The following PROB1 variants were observed in gnomAD, a reference collection of about 807,000 sequenced individuals.
PROB1 encodes the protein proline rich basic protein 1, also known as proline-rich basic protein 1.
For synonymous variants in PROB1, 660 were observed against 699.3 expected, an observed-to-expected ratio of 0.94 and a Z score of 0.89; for missense variants, 1,453 against 1,485.7, an observed-to-expected ratio of 0.98 and a Z score of 0.36.
Position 139,392,308 on chromosome 5 carries a change from G to A in PROB1, c.2774C>T (p.Pro925Leu), listed in dbSNP as rs1758611232. The change falls in exon 1 of 1, where the codon CCG (proline) becomes CTG (leucine). Residue 925 changes from proline to leucine, a missense_variant. Coordinates refer to ENST00000434752, the MANE Select transcript of PROB1 (RefSeq NM_001161546.2). The surrounding 1 kb of genome is among the most constrained non-coding windows in gnomAD (Gnocchi z 5.8). ...CAGAGGGGTGTAGACGCGGTGGGGC[G>A]GCCCGGGAGACGAGGGCGGCAGCAA... The part of the protein sequence containing the change: ...EVLLPPSSPG[P>L]PHRVYTPLAL... 2.6e-6 allele frequency: 4 copies of A among 1,531,668 alleles called. No homozygotes were observed. Among genetic ancestry groups the A allele is most frequent in the African/African-American group, 2.8e-5 (2 of 71,506 alleles). The allele number at this position is 1,531,668 out of a possible 1,614,324, so 94.9% of individuals were successfully genotyped here.
In PROB1 at chr5:139,392,056, T is replaced by C. The variant is rs1030191796; in HGVS notation, c.3026A>G (p.Lys1009Arg). 1.4e-6 allele frequency: 2 copies of C among 1,400,742 alleles called. No individual in the cohort carries two copies. The highest frequency in any genetic ancestry group is 1.6e-5 in the South Asian group (1 of 61,412). The allele number at this position is 1,400,742 out of a possible 1,614,324, so 86.8% of individuals were successfully genotyped here. A position where few individuals can be genotyped will look rare whatever the true frequency, so the allele number is the denominator to read the frequency against. The change falls in exon 1 of 1, where the codon AAG becomes AGG. Residue 1009 changes from lysine (K) to arginine (R), a missense_variant. Lys to Arg is a conservative substitution (Grantham distance 26). Transcript: ENST00000434752. The surrounding 1 kb of genome is among the most constrained non-coding windows in gnomAD (Gnocchi z 5.8). The stretch of plus-strand genomic sequence containing the variant: ...GCCTCACAGCGGGAACAATGAACCC[T>C]TGCCGGGCTGGGTGGGACCTGAGCT... ...PSSSGPTQPG[K>R]GSLFPL is the part of the protein sequence containing the mutation.
rs368156469 is a variant in PROB1, at chr5:139,392,910, C to G, written c.2172G>C (p.Thr724=). 1.4e-5 allele frequency: 21 copies of G among 1,537,252 alleles called. No homozygotes were observed. The African/African-American group carries it at 1.8e-4, about 13-fold the overall frequency. ...GVLRRRAENS[T]AKPFKRTEIR... ...TCTCTGTGCGCTTGAAGGGCTTCGC[C>G]GTGCTGTTCTCTGCCCTCCGCCGCA... The change falls in exon 1 of 1, where the codon ACG becomes ACC. Residue 724 remains threonine, a synonymous_variant. Transcript: ENST00000434752. This position sits in a 1 kb window ranked among gnomAD's most constrained non-coding sequence, Gnocchi z 5.8.
rs1222471945 is a variant in PROB1 at position 139,394,947 on chromosome 5, G to C, written c.135C>G (p.Asp45Glu). 1.3e-6 allele frequency: 2 copies of C among 1,521,360 alleles called. No individual in the cohort carries two copies. The highest frequency in any genetic ancestry group is 1.8e-6 in the Non-Finnish European group (2 of 1,135,908). 94.2% of individuals were successfully genotyped at this position (1,521,360 alleles called of 1,614,324 possible). The part of the protein sequence containing the change: ...YTAPGSPEPP[D>E]VGPDAKGPAN... Reference sequence around the variant, plus strand: ...CTGGGCCTTTCGCGTCCGGCCCAACGTCCGGGGGCTCCGGAGAACCTGGAG... The same window carrying C: ...CTGGGCCTTTCGCGTCCGGCCCAACCTCCGGGGGCTCCGGAGAACCTGGAG... Residue 45 changes from aspartate (D) to glutamate (E), a missense_variant, in exon 1 of 1, where the codon GAC (aspartate) becomes GAG (glutamate). Asp to Glu is a conservative substitution (Grantham distance 45, BLOSUM62 2). Coordinates refer to ENST00000434752, the MANE Select transcript of PROB1 (RefSeq NM_001161546.2).
Position 139,394,587 on chromosome 5 carries a change from G to A in PROB1, c.495C>T (p.Ser165=), listed in dbSNP as rs1758661115. The A allele has an allele frequency of 2.0e-6, 3 of 1,529,962 alleles. No individual in the cohort carries two copies. The highest frequency in any genetic ancestry group is 1.4e-5 in the African/African-American group (1 of 72,002). The allele number at this position is 1,529,962 out of a possible 1,614,324, so 94.8% of individuals were successfully genotyped here. A position where few individuals can be genotyped will look rare whatever the true frequency, so the allele number is the denominator to read the frequency against. ...PRQSQVPDGG[S]RWATYLELRP... is the part of the protein sequence containing the mutation. ...GCAGCTCTAGGTAGGTGGCCCAGCG[G>A]GAGCCACCATCGGGGACCTGGGACT... Residue 165 remains serine, a synonymous_variant, in exon 1 of 1, where the codon TCC becomes TCT. Coordinates refer to ENST00000434752, the MANE Select transcript of PROB1 (RefSeq NM_001161546.2).
chr5:139,392,184 T>A lies in PROB1; in HGVS notation c.2898A>T (p.Leu966=), dbSNP rs1168281867. The change falls in exon 1 of 1, where the codon CTA becomes CTT. Residue 966 remains leucine, a synonymous_variant. Transcript: ENST00000434752. The surrounding 1 kb of genome is among the most constrained non-coding windows in gnomAD (Gnocchi z 5.8). ...PGPQALGSPQ[L]PWVSEAGPLD... Reference sequence around the variant, plus strand: ...GGGGCCCTGCCTCAGAGACCCAGGGTAGCTGGGGGCTGCCGAGGGCCTGCG... The same window carrying A: ...GGGGCCCTGCCTCAGAGACCCAGGGAAGCTGGGGGCTGCCGAGGGCCTGCG... The A allele has an allele frequency of 4.3e-6, 6 of 1,408,478 alleles. No homozygotes were observed. Among genetic ancestry groups the A allele is most frequent in the Non-Finnish European group, 5.6e-6 (6 of 1,075,222 alleles). 87.2% of individuals were successfully genotyped at this position (1,408,478 alleles called of 1,614,324 possible).
At position 139,394,792 on chromosome 5, in the gene PROB1, C is replaced by A. The variant is rs918862831; in HGVS notation, c.290G>T (p.Arg97Leu). Residue 97 changes from arginine to leucine, a missense_variant, in exon 1 of 1, where the codon CGG (arginine) becomes CTG (leucine). By Grantham distance (102) the Arg-to-Leu change is moderately radical (BLOSUM62 -2). Coordinates refer to ENST00000434752, the MANE Select transcript of PROB1 (RefSeq NM_001161546.2). ...CGTGCGCAGCTGGGGCTGGGGTGGC[C>A]GTGGGCCGGAACCTGGGCCTCGCGG... ...GFPRGPGSGPRPPQPQLRTLP... is the reference protein window; with the variant it reads ...GFPRGPGSGPLPPQPQLRTLP... 6 of 1,528,352 alleles carry A rather than the reference C, an allele frequency of 3.9e-6. No individual in the cohort carries two copies. Among genetic ancestry groups the A allele is most frequent in the Admixed American group, 4.1e-5 (2 of 49,008 alleles). The allele number at this position is 1,528,352 out of a possible 1,614,324, so 94.7% of individuals were successfully genotyped here. A position where few individuals can be genotyped will look rare whatever the true frequency, so the allele number is the denominator to read the frequency against.
Position 139,392,701 on chromosome 5 carries a change from G to A in PROB1, c.2381C>T (p.Ala794Val). ...GCCGGGGCGGGGCGATCGGACCCCT[G>A]CTGGCCCTACGGGGGAGCGCTGGGA... ...SSSQRSPVGP[A>V]GVRSPRPGSP... is the part of the protein sequence containing the mutation. The change falls in exon 1 of 1, where the codon GCA becomes GTA. Residue 794 changes from alanine (A) to valine (V), a missense_variant. Physicochemically the swap from Ala to Val is moderately conservative, Grantham distance 64 (BLOSUM62 0). Transcript: ENST00000434752. This position sits in a 1 kb window ranked among gnomAD's most constrained non-coding sequence, Gnocchi z 5.8. The A allele has an allele frequency of 7.1e-7, 1 of 1,402,350 alleles. No individual in the cohort carries two copies. The highest frequency in any genetic ancestry group is 1.6e-5 in the South Asian group (1 of 61,464). The allele number at this position is 1,402,350 out of a possible 1,614,324, so 86.9% of individuals were successfully genotyped here.
chr5:139,394,742 T>C lies in PROB1; in HGVS notation c.340A>G (p.Ile114Val), dbSNP rs1258013996. Residue 114 changes from isoleucine to valine, a missense_variant, in exon 1 of 1, where the codon ATC becomes GTC. Transcript: ENST00000434752. ...RTLPSGEMEV[I>V]FGVGPLFGCS... ...CCGAACAGGGGTCCGACGCCGAAGA[T>C]GACTTCCATCTCCCCCGACGGCAGC... is the stretch of plus-strand genomic sequence containing the variant. The C allele has an allele frequency of 6.5e-7, 1 of 1,534,122 alleles. No homozygotes were observed. Among genetic ancestry groups the C allele is most frequent in the South Asian group, 1.2e-5 (1 of 83,838 alleles).
chr5:139,392,192 G>A lies in PROB1; in HGVS notation c.2890C>T (p.Pro964Ser). 7.1e-7 allele frequency: 1 copy of A among 1,410,936 alleles called. No homozygotes were observed. Among genetic ancestry groups the A allele is most frequent in the Middle Eastern group, 1.9e-4 (1 of 5,292 alleles). The allele number at this position is 1,410,936 out of a possible 1,614,324, so 87.4% of individuals were successfully genotyped here. A position where few individuals can be genotyped will look rare whatever the true frequency, so the allele number is the denominator to read the frequency against. The change falls in exon 1 of 1, where the codon CCC (proline) becomes TCC (serine). Residue 964 changes from proline to serine, a missense_variant. Coordinates refer to ENST00000434752, the MANE Select transcript of PROB1 (RefSeq NM_001161546.2). The surrounding 1 kb of genome is among the most constrained non-coding windows in gnomAD (Gnocchi z 5.8). ...PSPGPQALGS[P>S]QLPWVSEAGP... ...GCCTCAGAGACCCAGGGTAGCTGGG[G>A]GCTGCCGAGGGCCTGCGGGCCCGGG...
Position 139,394,500 on chromosome 5 carries a change from C to T in PROB1, c.582G>A (p.Glu194=). The change falls in exon 1 of 1, where the codon GAG becomes GAA. Residue 194 remains glutamate, a synonymous_variant. Coordinates refer to ENST00000434752, the MANE Select transcript of PROB1 (RefSeq NM_001161546.2). ...GGGGCCTGGCGGGCGCGGCGCCCTC[C>T]TCCAGAGCCACCTCCACACACTCGA... ...AQFECVEVAL[E]EGAAPARPRT... is the part of the protein sequence containing the mutation. The T allele has an allele frequency of 7.0e-7, 1 of 1,430,328 alleles. No homozygotes were observed. Among genetic ancestry groups the T allele is most frequent in the Non-Finnish European group, 9.1e-7 (1 of 1,100,384 alleles). The allele number at this position is 1,430,328 out of a possible 1,614,324, so 88.6% of individuals were successfully genotyped here.
At position 139,394,230 on chromosome 5, in the gene PROB1, C is replaced by G. The variant is rs1289724475; in HGVS notation, c.852G>C (p.Thr284=). The G allele has an allele frequency of 1.9e-6, 3 of 1,548,670 alleles. No homozygotes were observed. In the Admixed American group the frequency reaches 5.9e-5, roughly 30 times the overall value. The part of the protein sequence containing the change: ...TGRSEPETRE[T]ARSTHVVLEK... ...CCAGGACCACGTGGGTGCTGCGGGC[C>G]GTTTCCCGGGTCTCAGGTTCCGACC... The change falls in exon 1 of 1, where the codon ACG becomes ACC. Residue 284 remains threonine (T), a synonymous_variant. Coordinates refer to ENST00000434752, the MANE Select transcript of PROB1 (RefSeq NM_001161546.2).
rs558803433 is a variant in PROB1 at position 139,392,476 on chromosome 5, C to G, written c.2606G>C (p.Gly869Ala). The G allele has an allele frequency of 3.8e-5, 52 of 1,385,972 alleles. No individual in the cohort carries two copies. The African/African-American group carries it at 7.4e-4, about 20-fold the overall frequency. The allele number at this position is 1,385,972 out of a possible 1,614,324, so 85.9% of individuals were successfully genotyped here. ...CGCGGCCCCGGGCTGCCTGCGCGCTCCCTGGGAGGGGCTTTGCGGGGACCG... is the reference window on the plus strand; with the variant it reads ...CGCGGCCCCGGGCTGCCTGCGCGCTGCCTGGGAGGGGCTTTGCGGGGACCG... Reference protein sequence around the residue: ...TDRSPQSPSQGARRQPGAAPL... With the variant: ...TDRSPQSPSQAARRQPGAAPL... Residue 869 changes from glycine to alanine, a missense_variant, in exon 1 of 1, where the codon GGA becomes GCA. Transcript: ENST00000434752. The surrounding 1 kb of genome is among the most constrained non-coding windows in gnomAD (Gnocchi z 5.8).
chr5:139,392,875 G>A lies in PROB1; in HGVS notation c.2207C>T (p.Pro736Leu). 4.5e-6 allele frequency: 7 copies of A among 1,544,896 alleles called. No individual in the cohort carries two copies. Among genetic ancestry groups the A allele is most frequent in the Non-Finnish European group, 6.1e-6 (7 of 1,144,116 alleles). The change falls in exon 1 of 1, where the codon CCT becomes CTT. Residue 736 changes from proline to leucine, a missense_variant. Physicochemically the swap from Pro to Leu is moderately conservative, Grantham distance 98 (BLOSUM62 -3). Coordinates refer to ENST00000434752, the MANE Select transcript of PROB1 (RefSeq NM_001161546.2). This position sits in a 1 kb window ranked among gnomAD's most constrained non-coding sequence, Gnocchi z 5.8. The stretch of plus-strand genomic sequence containing the variant: ...CCGGCGACCCAAGGCCAGGGCCCCA[G>A]GCAGGCGGATCTCTGTGCGCTTGAA... ...KPFKRTEIRLPGALALGRRPE... is the reference protein window; with the variant it reads ...KPFKRTEIRLLGALALGRRPE...
In PROB1 at chr5:139,391,914, G is replaced by T; in HGVS notation, c.*120C>A. On this transcript the variant is annotated 3_prime_UTR_variant, in exon 1 of 1. Transcript: ENST00000434752. The surrounding 1 kb of genome is among the most constrained non-coding windows in gnomAD (Gnocchi z 4.8). ...ATTCTCTGAAGATCACTTCCTGTCC[G>T]ACGACTGACTGGGATGGGTTAAAGA... 2.5e-6 allele frequency: 2 copies of T among 815,972 alleles called. No homozygotes were observed. The highest frequency in any genetic ancestry group is 3.3e-6 in the Non-Finnish European group (2 of 601,424). The allele number at this position is 815,972 out of a possible 1,614,324, so 50.5% of individuals were successfully genotyped here. A position where few individuals can be genotyped will look rare whatever the true frequency, so the allele number is the denominator to read the frequency against.
chr5:139,391,395 C>T lies in PROB1; in HGVS notation c.*639G>A. 1 of 152,844 alleles carries T rather than the reference C, an allele frequency of 6.5e-6. No homozygotes were observed. The allele number at this position is 152,844 out of a possible 1,614,324, so 9.5% of individuals were successfully genotyped here. ...CAGGCTAACCCCCAACCCAGGCCCT[C>T]CCTGTATTCCTTGCTTTGCCTCCAC... On this transcript the variant is annotated 3_prime_UTR_variant, in exon 1 of 1. Transcript: ENST00000434752. This position sits in a 1 kb window ranked among gnomAD's most constrained non-coding sequence, Gnocchi z 4.8.
chr5:139,394,391 G>A lies in PROB1; in HGVS notation c.691C>T (p.Leu231Phe), dbSNP rs1269696195. Residue 231 changes from leucine (L) to phenylalanine (F), a missense_variant, in exon 1 of 1, where the codon CTC (leucine) becomes TTC (phenylalanine). Leu to Phe is a conservative substitution (Grantham distance 22). Transcript: ENST00000434752. Reference sequence around the variant, plus strand: ...TCGTCCAGGGAACCGGTGCGCAGGAGCAGCCGGGGGCGCGGCGCGCCGGCC... The same window carrying A: ...TCGTCCAGGGAACCGGTGCGCAGGAACAGCCGGGGGCGCGGCGCGCCGGCC... ...RAAGAPRPRL[L>F]LRTGSLDESL... is the part of the protein sequence containing the mutation. 11 of 1,393,408 alleles carry A rather than the reference G, an allele frequency of 7.9e-6. No individual in the cohort carries two copies. Among genetic ancestry groups the A allele is most frequent in the East Asian group, 2.9e-5 (1 of 34,304 alleles). The allele number at this position is 1,393,408 out of a possible 1,614,324, so 86.3% of individuals were successfully genotyped here.
At position 139,391,204 on chromosome 5, in the gene PROB1, G is replaced by C. The variant is rs1362799819; in HGVS notation, c.*830C>G. On this transcript the variant is annotated 3_prime_UTR_variant, in exon 1 of 1. Transcript: ENST00000434752. The surrounding 1 kb of genome is among the most constrained non-coding windows in gnomAD (Gnocchi z 4.8). ...TTCTGGCCACACAGAGGGGTCAAGAGGCTCCTGTGGGACAAGAGCCCAACC... is the reference window on the plus strand; with the variant it reads ...TTCTGGCCACACAGAGGGGTCAAGACGCTCCTGTGGGACAAGAGCCCAACC... 6.6e-6 allele frequency: 1 copy of C among 152,286 alleles called. No homozygotes were observed. Among genetic ancestry groups the C allele is most frequent in the Non-Finnish European group, 1.5e-5 (1 of 68,120 alleles). The allele number at this position is 152,286 out of a possible 1,614,324, so 9.4% of individuals were successfully genotyped here.
In PROB1 at chr5:139,394,527, C is replaced by T. The variant is rs1317822055; in HGVS notation, c.555G>A (p.Gln185=). The change falls in exon 1 of 1, where the codon CAG becomes CAA. Residue 185 remains glutamine (Q), a synonymous_variant. Transcript: ENST00000434752. ...PRGPSPAAPA[Q]FECVEVALEE... is the part of the protein sequence containing the mutation. ...CCAGAGCCACCTCCACACACTCGAA[C>T]TGCGCTGGGGCGGCAGGACTTGGCC... 6.8e-7 allele frequency: 1 copy of T among 1,467,588 alleles called. No individual in the cohort carries two copies. The highest frequency in any genetic ancestry group is 1.5e-5 in the African/African-American group (1 of 68,172). The allele number at this position is 1,467,588 out of a possible 1,614,324, so 90.9% of individuals were successfully genotyped here.
Position 139,394,230 on chromosome 5 carries a change from C to T in PROB1, c.852G>A (p.Thr284=). The T allele has an allele frequency of 6.5e-7, 1 of 1,548,672 alleles. No homozygotes were observed. The highest frequency in any genetic ancestry group is 8.7e-7 in the Non-Finnish European group (1 of 1,145,480). Residue 284 remains threonine (T), a synonymous_variant, in exon 1 of 1, where the codon ACG becomes ACA. Transcript: ENST00000434752. ...TGRSEPETRE[T]ARSTHVVLEK... ...CCAGGACCACGTGGGTGCTGCGGGC[C>T]GTTTCCCGGGTCTCAGGTTCCGACC...
Sources: allele counts gnomAD v4.1 joint callset, GRCh38; gene constraint gnomAD v4.1.1; non-coding constraint Gnocchi (gnomAD v3.1); transcripts MANE v1.5; gene names NCBI Gene and HGNC (gene_info 2026-07-23, HGNC 2026-07-21).